SLC38A8: variants seen among roughly 807,000 people sequenced by gnomAD.
SLC38A8 encodes the protein solute carrier family 38 member 8, also known as amino acid transporter SLC38A8.
Under a neutral mutation model 46.0 loss-of-function variants are expected in SLC38A8, and 65 were observed. The ratio of observed to expected loss-of-function variants is 1.41; its 90% CI spans 1.16 to 1.74. SLC38A8 has a LOEUF of 1.74. Ranked by LOEUF, SLC38A8 falls within the 40% of genes most tolerant of loss-of-function variation. SLC38A8 has a pLI of 0.00. For synonymous variants in SLC38A8, 447 were observed against 243.7 expected, an observed-to-expected ratio of 1.83 and a Z score of -7.77; for missense variants, 998 against 567.9, an observed-to-expected ratio of 1.76 and a Z score of -7.70.
chr16:84,021,893 G>C (rs558602836), intron 7 of SLC38A8, among the ~76,000 whole-genome samples: 1 of 152,212 alleles, frequency 6.6e-6, no homozygotes, highest in Non-Finnish European at 1.5e-5. Context: ...GAAGTGGCGC[G>C]CAGAGTGTCA....
chr16:84,023,408 G>A (rs1597260379), intron 6 of SLC38A8, among the ~76,000 whole-genome samples: 1 of 152,228 alleles, frequency 6.6e-6, no homozygotes, highest in East Asian at 1.9e-4. Flanking sequence ...AAATTACTTT[G>A]CTAAGAATCC....
chr16:84,031,764 T>C (rs2085241274), intron 5 of SLC38A8, 103 bp downstream of exon 5: 5 of 962,188 alleles, frequency 5.2e-6, no homozygotes, highest in Non-Finnish European at 6.5e-6. Flanking sequence ...GAGCCCAGGC[T>C]CTGCAGTGAG....
At chr16:84,021,860 C>G (rs372608422) in intron 7 of SLC38A8, among the ~76,000 whole-genome samples, 1 of 152,186 alleles carries the variant, frequency 6.6e-6, no homozygotes, top group Admixed American at 6.5e-5. Flanking sequence ...GCCTTCTTGC[C>G]GGAGGGGACT....
At chr16:84,014,848 C>G (rs780361079) in intron 9 of SLC38A8, among the ~76,000 whole-genome samples, 1 of 152,200 alleles carries the variant, frequency 6.6e-6, no homozygotes, top group Non-Finnish European at 1.5e-5. Context: ...ACCAACATTT[C>G]TCTGTGGCCC....
intron 5 of SLC38A8, 72 bp downstream of exon 5, chr16:84,031,795 A>G (rs1234442025): frequency 6.1e-6 from 8 of 1,313,816 alleles, no homozygotes; most frequent in Non-Finnish European, 8.8e-6. Flanking sequence ...CTCCTCCTCC[A>G]AGACTCCCCT....
At chr16:84,033,515 T>G (rs2085269948) in intron 3 of SLC38A8, 46 bp from the exon 4 acceptor site, 1 of 1,529,812 alleles carries the variant, frequency 6.5e-7, no homozygotes, top group Non-Finnish European at 8.8e-7. Context: ...ACAAATGCCG[T>G]GGGTTCTCGG....
At chr16:84,013,521 C>A (rs1006757405) in intron 9 of SLC38A8, among the ~76,000 whole-genome samples, 1 of 147,812 alleles carries the variant, frequency 6.8e-6, no homozygotes, top group Non-Finnish European at 1.5e-5. Context: ...ACCTCCACCT[C>A]CCGGGTTCAA....
intron 2 of SLC38A8, among the ~76,000 whole-genome samples, chr16:84,038,655 G>A (rs2085330120): frequency 6.6e-6 from 1 of 152,184 alleles, no homozygotes; most frequent in South Asian, 2.1e-4. Flanking sequence ...ATGCACATGT[G>A]CCAGCCAAAC....
chr16:84,013,383 G>C (rs979688333), intron 9 of SLC38A8, among the ~76,000 whole-genome samples: 23 of 151,252 alleles, frequency 1.5e-4, no homozygotes, highest in African/African-American at 5.6e-4. Context: ...GGAAGTGCTC[G>C]GCAACTGGCA....
chr16:84,019,286 G>A (rs975297775), intron 7 of SLC38A8, among the ~76,000 whole-genome samples: 2 of 152,072 alleles, frequency 1.3e-5, no homozygotes, highest in Admixed American at 6.6e-5. Context: ...GTGTTAGCCA[G>A]GATGCTCTCG....
chr16:84,040,369 T>C (rs1284572733), intron 2 of SLC38A8, among the ~76,000 whole-genome samples: 2 of 152,144 alleles, frequency 1.3e-5, no homozygotes, highest in Admixed American at 6.5e-5. Context: ...CTGGAGCTCA[T>C]CCTAAGCAAA....
At chr16:84,030,436 G>C (rs1005110439) in intron 5 of SLC38A8, among the ~76,000 whole-genome samples, 1 of 152,036 alleles carries the variant, frequency 6.6e-6, no homozygotes, top group Non-Finnish European at 1.5e-5. Context: ...TCAATGCCAT[G>C]TCTGGGCCAA....
chr16:84,017,181 G>A lies in SLC38A8; in HGVS notation c.912C>T (p.Val304=), dbSNP rs1168377446. ...CGATGGGGTAGACAGTTACGATGGA[G>A]ACAGCAAAAAGGACCCGGGCCACAA... ...VIIVARVLFA[V]SIVTVYPIVL... Residue 304 remains valine (V), a synonymous_variant, in exon 8 of 11, where the codon GTC becomes GTT. Transcript: ENST00000299709. 1 of 1,613,986 alleles carries A rather than the reference G, an allele frequency of 6.2e-7. No homozygotes were observed.
At chr16:84,017,432 C>G (rs1280841746) in intron 7 of SLC38A8, 145 bp from the exon 8 acceptor site, 1 of 923,774 alleles carries the variant, frequency 1.1e-6, no homozygotes, top group East Asian at 2.6e-5. Context: ...TAGCCCAAAG[C>G]TTTCCTGTCC....
chr16:84,034,723 T>C (rs1436187131), intron 3 of SLC38A8, among the ~76,000 whole-genome samples: 1 of 152,012 alleles, frequency 6.6e-6, no homozygotes, highest in Non-Finnish European at 1.5e-5. Context: ...AGCATCCACG[T>C]GGGAGAGCCG....
chr16:84,018,947 C>T lies in SLC38A8; in HGVS notation c.806-1660G>A, dbSNP rs567839062. Among the ~76,000 whole-genome samples the T allele has an allele frequency of 9.2e-5, 14 of 152,222 alleles. No homozygotes were observed. In the East Asian group the frequency reaches 2.1e-3, roughly 23 times the overall value. ...TCAGGTCCATTGCAGCCAGAAGTCCCGCTTCCAGTGATGAGGACTATTTTC... is the reference window on the plus strand; with the variant it reads ...TCAGGTCCATTGCAGCCAGAAGTCCTGCTTCCAGTGATGAGGACTATTTTC... On this transcript the variant is annotated intron_variant, in intron 7 of 10. Coordinates refer to ENST00000299709, the MANE Select transcript of SLC38A8 (RefSeq NM_001080442.3).
intron 4 of SLC38A8, among the ~76,000 whole-genome samples, chr16:84,032,661 G>C (rs1009853514): frequency 6.6e-6 from 1 of 152,242 alleles, no homozygotes; most frequent in African/African-American, 2.4e-5. Context: ...AGTGGCACGA[G>C]AGCCTTGCAG....
intron 7 of SLC38A8, among the ~76,000 whole-genome samples, chr16:84,020,552 C>G (rs1459325372): frequency 6.6e-6 from 1 of 152,210 alleles, no homozygotes; most frequent in Admixed American, 6.5e-5. Context: ...CCAAGGTTTA[C>G]CACTTATACC....
intron 10 of SLC38A8, among the ~76,000 whole-genome samples, chr16:84,011,693 G>A (rs1225833845): frequency 2.0e-5 from 3 of 152,146 alleles, no homozygotes; most frequent in African/African-American, 4.8e-5. Context: ...CTAGATTTAG[G>A]GTGGACCCTA....
Sources: allele counts gnomAD v4.1 joint callset (sites outside exome capture counted in the v4.1 genomes callset), GRCh38; gene constraint gnomAD v4.1.1; transcripts MANE v1.5; gene names NCBI Gene and HGNC (gene_info 2026-07-23, HGNC 2026-07-21).